CLK3: variants seen among roughly 807,000 people sequenced by gnomAD.
The protein encoded by CLK3 is dual specificity protein kinase CLK3.
In CLK3, 24 loss-of-function variants were observed where a neutral mutation model predicts 65.2. The ratio of observed to expected loss-of-function variants is 0.37; its 90% CI spans 0.27 to 0.52. The LOEUF is 0.52. Ranked by LOEUF, CLK3 falls within the 20% of genes least tolerant of loss-of-function variation. The pLI, the probability that CLK3 is intolerant of heterozygous loss-of-function variation, is 0.92. For missense variants in CLK3, 506 were observed against 660.0 expected, an observed-to-expected ratio of 0.77 and a Z score of 2.56; for synonymous variants, 252 against 240.8, an observed-to-expected ratio of 1.05 and a Z score of -0.43.
intron 1 of CLK3, among the ~76,000 whole-genome samples, chr15:74,616,207 C>A (rs961847866): frequency 6.6e-6 from 1 of 152,230 alleles, no homozygotes; most frequent in African/African-American, 2.4e-5. Flanking sequence ...GTAGAAGAGC[C>A]AGAGAAGCCC....
chr15:74,618,971 G>T (rs1345990121), intron 1 of CLK3: 2 of 502,134 alleles, frequency 4.0e-6, no homozygotes, highest in Admixed American at 6.8e-5. Flanking sequence ...GTGATGCTCT[G>T]CTGGGAGCTG....
rs894991582 is a variant in CLK3, at chr15:74,627,891, G to A, written c.1043-79G>A. ...GATTTGGGCAAGAGTCCTGCCAGCC[G>A]GTGTGGTGGCTGCCTTGTGACTTCC... On this transcript the variant is annotated intron_variant, in intron 9 of 12. Coordinates refer to ENST00000395066, the MANE Select transcript of CLK3 (RefSeq NM_001130028.2). The surrounding 1 kb of genome is among the most constrained non-coding windows in gnomAD (Gnocchi z 4.3). The A allele has an allele frequency of 1.8e-5, 23 of 1,259,622 alleles. No homozygotes were observed. Among genetic ancestry groups the A allele is most frequent in the African/African-American group, 1.2e-4 (8 of 67,842 alleles). The allele number at this position is 1,259,622 out of a possible 1,614,324, so 78.0% of individuals were successfully genotyped here.
At chr15:74,610,635 C>T (rs774567765) in intron 1 of CLK3, among the ~76,000 whole-genome samples, 2 of 152,254 alleles carry the variant, frequency 1.3e-5, no homozygotes, top group Admixed American at 6.5e-5. Flanking sequence ...TTATCTATCA[C>T]GACAGGCTCC....
Position 74,627,891 on chromosome 15 carries a change from G to T in CLK3, c.1043-79G>T. 7.9e-7 allele frequency: 1 copy of T among 1,259,744 alleles called. No individual in the cohort carries two copies. Among genetic ancestry groups the T allele is most frequent in the Non-Finnish European group, 1.2e-6 (1 of 860,972 alleles). 78.0% of individuals were successfully genotyped at this position (1,259,744 alleles called of 1,614,324 possible). A position where few individuals can be genotyped will look rare whatever the true frequency, so the allele number is the denominator to read the frequency against. On this transcript the variant is annotated intron_variant, in intron 9 of 12. Coordinates refer to ENST00000395066, the MANE Select transcript of CLK3 (RefSeq NM_001130028.2). This position sits in a 1 kb window ranked among gnomAD's most constrained non-coding sequence, Gnocchi z 4.3. ...GATTTGGGCAAGAGTCCTGCCAGCCGGTGTGGTGGCTGCCTTGTGACTTCC... is the reference window on the plus strand; with the variant it reads ...GATTTGGGCAAGAGTCCTGCCAGCCTGTGTGGTGGCTGCCTTGTGACTTCC...
intron 1 of CLK3, 184 bp downstream of exon 1, chr15:74,616,082 C>CAG: frequency 2.2e-6 from 1 of 456,290 alleles, no homozygotes; most frequent in Non-Finnish European, 3.6e-6. Flanking sequence ...GCGGTCACTG[C>CAG]AGACCCTGAC....
chr15:74,630,118 A>C lies in CLK3; in HGVS notation c.*235A>C. 3 of 464,134 alleles carry C rather than the reference A, an allele frequency of 6.5e-6. No individual in the cohort carries two copies. The highest frequency in any genetic ancestry group is 3.3e-5 in the East Asian group (1 of 30,214). The allele number at this position is 464,134 out of a possible 1,614,324, so 28.8% of individuals were successfully genotyped here. A position where few individuals can be genotyped will look rare whatever the true frequency, so the allele number is the denominator to read the frequency against. On this transcript the variant is annotated 3_prime_UTR_variant, in exon 13 of 13. Transcript: ENST00000395066. ...AATAAAGTGTTTCTTACTGTTTGTA[A>C]CCCCTGGTACCAGTGTGTCCATCTC...
chr15:74,627,776 G>GT lies in CLK3; in HGVS notation c.1042+111dup. 1 of 1,514,848 alleles carries GT rather than the reference G, an allele frequency of 6.6e-7. No individual in the cohort carries two copies. The highest frequency in any genetic ancestry group is 9.1e-7 in the Non-Finnish European group (1 of 1,101,456). 93.8% of individuals were successfully genotyped at this position (1,514,848 alleles called of 1,614,324 possible). A position where few individuals can be genotyped will look rare whatever the true frequency, so the allele number is the denominator to read the frequency against. On this transcript the variant is annotated intron_variant, in intron 9 of 12. Coordinates refer to ENST00000395066, the MANE Select transcript of CLK3 (RefSeq NM_001130028.2). The surrounding 1 kb of genome is among the most constrained non-coding windows in gnomAD (Gnocchi z 4.3). ...TTCTCTGCCACCCAGGGCAGGCAGA[G>GT]TTTCTCAGACCAAGGGGCCAGTGTC...
At chr15:74,617,414 A>G (rs1455427898) in intron 1 of CLK3, among the ~76,000 whole-genome samples, 1 of 152,244 alleles carries the variant, frequency 6.6e-6, no homozygotes, top group African/African-American at 2.4e-5. Flanking sequence ...AAGCTGTGCT[A>G]GGCATTTCAC....
In CLK3 at chr15:74,622,272, C is replaced by G. The variant is rs752475140; in HGVS notation, c.466+56C>G. On this transcript the variant is annotated intron_variant, in intron 4 of 12. Transcript: ENST00000395066. The surrounding 1 kb of genome is among the most constrained non-coding windows in gnomAD (Gnocchi z 4.6). ...TCTACTTTCTACCCCCCTTGTTAGA[C>G]GAGACCTCTCCTGCCTGGAGGGGCC... is the stretch of plus-strand genomic sequence containing the variant. 2.0e-6 allele frequency: 3 copies of G among 1,529,564 alleles called. No individual in the cohort carries two copies. Among genetic ancestry groups the G allele is most frequent in the Non-Finnish European group, 2.7e-6 (3 of 1,112,572 alleles). 94.7% of individuals were successfully genotyped at this position (1,529,564 alleles called of 1,614,324 possible). A position where few individuals can be genotyped will look rare whatever the true frequency, so the allele number is the denominator to read the frequency against.
chr15:74,620,296 G>T (rs771539104), intron 3 of CLK3, 71 bp downstream of exon 3: 4 of 1,592,000 alleles, frequency 2.5e-6, no homozygotes, highest in Admixed American at 1.7e-5. Context: ...TCTCAGGCTG[G>T]CTGGTCCGGG....
intron 10 of CLK3, 27 bp downstream of exon 10, chr15:74,628,079 A>G (rs374639026): frequency 6.8e-7 from 1 of 1,473,066 alleles, no homozygotes; most frequent in Non-Finnish European, 9.5e-7. Context: ...TTGGTCCCCT[A>G]CCCTGAGTAC....
chr15:74,615,775 G>C, upstream of CLK3: 1 of 1,243,634 alleles, frequency 8.0e-7, no homozygotes. Flanking sequence ...GGGTCGAGCC[G>C]AGGCTGGCGA....
In CLK3 at chr15:74,624,900, A is replaced by C; in HGVS notation, c.534-2A>C. On this transcript the variant is annotated splice_acceptor_variant, in intron 5 of 12. Coordinates refer to ENST00000395066, the MANE Select transcript of CLK3 (RefSeq NM_001130028.2). LOFTEE classifies it high-confidence loss of function. This position sits in a 1 kb window ranked among gnomAD's most constrained non-coding sequence, Gnocchi z 4.2. ...AACCTCTGTTTCCTTCCCGGGTACC[A>C]GAGGGAAGTCTCAGGTTGCCCTGAA... 6.3e-7 allele frequency: 1 copy of C among 1,599,882 alleles called. No individual in the cohort carries two copies. Among genetic ancestry groups the C allele is most frequent in the African/African-American group, 1.3e-5 (1 of 74,896 alleles).
intron 1 of CLK3, among the ~76,000 whole-genome samples, chr15:74,617,559 T>C (rs2062070218): frequency 6.6e-6 from 1 of 152,270 alleles, no homozygotes; most frequent in African/African-American, 2.4e-5. Context: ...CAAGCCATGA[T>C]TCAGATTGAC....
At position 74,618,225 on chromosome 15, in the gene CLK3, G is replaced by A. The variant is rs2062075235; in HGVS notation, c.1-972G>A. 2.0e-5 allele frequency among the ~76,000 whole-genome samples: 3 copies of A among 152,228 alleles called. No homozygotes were observed. The South Asian group carries it at 6.2e-4, about 32-fold the overall frequency. On this transcript the variant is annotated intron_variant, in intron 1 of 12. Transcript: ENST00000395066. ...AGGCTGGCTCCATGGAGGCAGTCAG[G>A]GATTGACGTATGGGTGGAGCAGGTT...
In CLK3 at chr15:74,625,367, C is replaced by T. The variant is rs558781153; in HGVS notation, c.650+349C>T. 3.3e-5 allele frequency among the ~76,000 whole-genome samples: 5 copies of T among 152,306 alleles called. No homozygotes were observed. The South Asian group carries it at 6.2e-4, about 19-fold the overall frequency. ...CAGACACACTGAGCACTCTCCTCCA[C>T]GCACTGTGCTGAGCCTGGGCAGATG... is the stretch of plus-strand genomic sequence containing the variant. On this transcript the variant is annotated intron_variant, in intron 6 of 12. Transcript: ENST00000395066.
At chr15:74,625,319 C>G (rs1193754131) in intron 6 of CLK3, among the ~76,000 whole-genome samples, 1 of 152,192 alleles carries the variant, frequency 6.6e-6, no homozygotes, top group African/African-American at 2.4e-5. Context: ...GTAGGAGATA[C>G]CCAAAGGAGG....
chr15:74,619,001 A>T, intron 1 of CLK3, 196 bp from the exon 2 acceptor site: 1 of 602,182 alleles, frequency 1.7e-6, no homozygotes, highest in Non-Finnish European at 2.9e-6. Flanking sequence ...TCACTGGCAG[A>T]GAAAGTTGTT....
chr15:74,610,959 A>C (rs190035082), upstream of CLK3, among the ~76,000 whole-genome samples: 1 of 152,190 alleles, frequency 6.6e-6, no homozygotes, highest in South Asian at 2.1e-4. Flanking sequence ...CTCAGCTTGC[A>C]CAGCCATCTC....
Sources: allele counts gnomAD v4.1 joint callset (sites outside exome capture counted in the v4.1 genomes callset), GRCh38; gene constraint gnomAD v4.1.1; non-coding constraint Gnocchi (gnomAD v3.1); transcripts MANE v1.5; gene names NCBI Gene and HGNC (gene_info 2026-07-23, HGNC 2026-07-21).